MPPED1: variants seen among roughly 807,000 people sequenced by gnomAD.
The protein encoded by MPPED1 is metallophosphoesterase domain containing 1, also known as metallophosphoesterase domain-containing protein 1.
Under a neutral mutation model 36.2 loss-of-function variants are expected in MPPED1, and 16 were observed. The observed-to-expected ratio is 0.44, with a 90% CI of 0.30 to 0.67. MPPED1 has a LOEUF of 0.67. Among genes scored for constraint, MPPED1 ranks in the 30% least tolerant of loss-of-function variants. MPPED1 has a pLI of 0.10. For missense variants in MPPED1, 307 were observed against 453.4 expected (o/e 0.68, Z 2.93); for synonymous variants, 199 against 191.3 (o/e 1.04, Z -0.33).
intron 3 of MPPED1, among the ~76,000 whole-genome samples, chr22:43,472,241 T>C (rs868561613): frequency 2.0e-5 from 3 of 152,330 alleles, no homozygotes; most frequent in Middle Eastern, 3.4e-3. Flanking sequence ...AAATTCAAGT[T>C]TTAAAAAAAA....
intron 4 of MPPED1, among the ~76,000 whole-genome samples, chr22:43,482,693 C>G (rs1455434753): frequency 2.0e-5 from 3 of 152,164 alleles, no homozygotes; most frequent in Admixed American, 6.5e-5. Context: ...ACCTGCTGCT[C>G]GACGTTTATG....
chr22:43,430,176 G>T (rs1929623928), intron 2 of MPPED1, among the ~76,000 whole-genome samples: 1 of 152,176 alleles, frequency 6.6e-6, no homozygotes, highest in African/African-American at 2.4e-5. Context: ...GTCCCTGCCT[G>T]GACCTTCAGA....
At chr22:43,436,035 A>G (rs1929946979) in intron 3 of MPPED1, among the ~76,000 whole-genome samples, 1 of 152,236 alleles carries the variant, frequency 6.6e-6, no homozygotes, top group South Asian at 2.1e-4. Flanking sequence ...TCTCGGCAGC[A>G]GAGCCCTTTC....
chr22:43,417,612 TTGGTACTTTTC>T (rs1416774824), intron 1 of MPPED1: 1 of 156,516 alleles, frequency 6.4e-6, no homozygotes, highest in Non-Finnish European at 1.4e-5. Flanking sequence ...CCCCCACACC[TTGGTACTTTTC>T]TGTTAAATAT....
intron 3 of MPPED1, among the ~76,000 whole-genome samples, chr22:43,468,936 A>G (rs1931266100): frequency 6.6e-6 from 1 of 152,144 alleles, no homozygotes; most frequent in Non-Finnish European, 1.5e-5. Flanking sequence ...GCTGAGACTT[A>G]CCAAGGCAAG....
intron 3 of MPPED1, among the ~76,000 whole-genome samples, chr22:43,456,841 T>G (rs1467272733): frequency 6.6e-6 from 1 of 152,214 alleles, no homozygotes; most frequent in East Asian, 1.9e-4. Context: ...TTTTATTTTG[T>G]CAAATGCTTT....
intron 1 of MPPED1, among the ~76,000 whole-genome samples, chr22:43,420,079 C>A (rs1161888480): frequency 6.6e-6 from 1 of 152,182 alleles, no homozygotes; most frequent in Non-Finnish European, 1.5e-5. Context: ...CCTTTATGGG[C>A]AGGTACAAGG....
At chr22:43,500,200 T>TG (rs1569091709) in intron 5 of MPPED1, among the ~76,000 whole-genome samples, 2 of 48,816 alleles carry the variant, frequency 4.1e-5, no homozygotes, top group Non-Finnish European at 3.6e-5. Context: ...ATGGAGGTGG[T>TG]AATGGAGGTG....
chr22:43,464,925 G>T (rs1224219770), intron 3 of MPPED1, among the ~76,000 whole-genome samples: 1 of 152,126 alleles, frequency 6.6e-6, no homozygotes, highest in Non-Finnish European at 1.5e-5. Flanking sequence ...GGACAAACAT[G>T]GGCCTTCAGA....
Position 43,435,179 on chromosome 22 carries a change from C to T in MPPED1, c.370C>T (p.Leu124Phe). The change falls in exon 3 of 7, where the codon CTC becomes TTC. Residue 124 changes from leucine to phenylalanine, a missense_variant. Coordinates refer to ENST00000443721, the MANE Select transcript of MPPED1 (RefSeq NM_001044370.2). ...CGCTGGGGACTTCACTGAGCTGGGG[C>T]TCCCGAGCGAGGTGAAGAAGTTCAA... ...IHAGDFTELG[L>F]PSEVKKFNEW... 1 of 1,612,132 alleles carries T rather than the reference C, an allele frequency of 6.2e-7. No homozygotes were observed. Among genetic ancestry groups the T allele is most frequent in the South Asian group, 1.1e-5 (1 of 91,090 alleles).
intron 3 of MPPED1, among the ~76,000 whole-genome samples, chr22:43,452,743 G>A (rs115901990): frequency 0.029 from 4,451 of 151,496 alleles, 228 homozygotes; most frequent in African/African-American, 0.1. Flanking sequence ...ATCTTCCCAC[G>A]TCAGCTTCCC....
At position 43,500,112 on chromosome 22, in the gene MPPED1, A is replaced by G. The variant is rs1370944887; in HGVS notation, c.748+1762A>G. Among the ~76,000 whole-genome samples, 32 of 59,738 alleles carry G rather than the reference A, an allele frequency of 5.4e-4. 1 individual carries two copies. The highest frequency in any genetic ancestry group is 1.5e-3 in the African/African-American group (24 of 16,192). 39.2% of individuals were successfully genotyped at this position (59,738 alleles called of 152,430 possible). A position where few individuals can be genotyped will look rare whatever the true frequency, so the allele number is the denominator to read the frequency against. ...GGCGATGGAGGTGGTAGTGGGGGTG[A>G]TGAAGGTGGTGATGGAGGTGGTAAT... is the stretch of plus-strand genomic sequence containing the variant. On this transcript the variant is annotated intron_variant, in intron 5 of 6. Transcript: ENST00000443721.
chr22:43,430,872 G>C (rs999620544), intron 2 of MPPED1, among the ~76,000 whole-genome samples: 2 of 151,964 alleles, frequency 1.3e-5, no homozygotes, highest in Non-Finnish European at 2.9e-5. Flanking sequence ...GTCATTGCAA[G>C]TATCAGAAAC....
chr22:43,427,147 T>C (rs1929506196), intron 2 of MPPED1, among the ~76,000 whole-genome samples: 2 of 152,252 alleles, frequency 1.3e-5, no homozygotes, highest in African/African-American at 4.8e-5. Flanking sequence ...CAGCACCACA[T>C]ACAGTGGGAC....
At chr22:43,440,249 G>A (rs1465279388) in intron 3 of MPPED1, among the ~76,000 whole-genome samples, 1 of 152,256 alleles carries the variant, frequency 6.6e-6, no homozygotes, top group Non-Finnish European at 1.5e-5. Flanking sequence ...ACACAGACCA[G>A]TGTGAGCCAT....
In MPPED1 at chr22:43,493,666, A is replaced by T. The variant is rs533954643; in HGVS notation, c.633-4569A>T. On this transcript the variant is annotated intron_variant, in intron 4 of 6. Transcript: ENST00000443721. ...TTTCACGGGGTTCTTGTAACAGCTG[A>T]GCCCATCCCAGTAATGTACATACTT... 1.5e-4 allele frequency among the ~76,000 whole-genome samples: 23 copies of T among 152,268 alleles called. No individual in the cohort carries two copies. In the South Asian group the frequency reaches 4.6e-3, roughly 30 times the overall value.
At chr22:43,467,042 C>T (rs896415737) in intron 3 of MPPED1, among the ~76,000 whole-genome samples, 1 of 152,204 alleles carries the variant, frequency 6.6e-6, no homozygotes, top group African/African-American at 2.4e-5. Context: ...CAGCGTGGGG[C>T]TCACGTGTCT....
Position 43,435,037 on chromosome 22 carries a change from G to A in MPPED1, c.228G>A (p.Val76=). ...GCAGTGTCATCTCTCCCTGCAGGGT[G>A]GACCCGGTGCCTCACGATGCCCCCA... ...GRFQPPHVQM[V]DPVPHDAPKP... is the part of the protein sequence containing the mutation. Residue 76 remains valine, a synonymous_variant, in exon 3 of 7, where the codon GTG becomes GTA. Transcript: ENST00000443721. 1 of 1,613,490 alleles carries A rather than the reference G, an allele frequency of 6.2e-7. No individual in the cohort carries two copies. The highest frequency in any genetic ancestry group is 8.5e-7 in the Non-Finnish European group (1 of 1,179,784).
chr22:43,462,032 A>T (rs1930973709), intron 3 of MPPED1, among the ~76,000 whole-genome samples: 1 of 151,910 alleles, frequency 6.6e-6, no homozygotes, highest in Non-Finnish European at 1.5e-5. Context: ...CCTGCCTTTG[A>T]ACCTGGTGCC....
Sources: gnomAD v4.1 joint callset for allele counts (sites outside exome capture counted in the v4.1 genomes callset) on GRCh38, gnomAD v4.1.1 for gene constraint, MANE v1.5 for transcripts, NCBI Gene and HGNC (gene_info 2026-07-23, HGNC 2026-07-21) for gene names.